The following IMMP2L variants were observed in gnomAD, a reference collection of about 807,000 sequenced individuals.
IMMP2L encodes inner mitochondrial membrane peptidase subunit 2.
IMMP2L carries 18 observed loss-of-function variants against 19.3 expected under a neutral mutation model. The ratio of observed to expected loss-of-function variants is 0.93; its 90% CI spans 0.64 to 1.38. IMMP2L has a LOEUF of 1.38. IMMP2L is among the 40% of genes most tolerant of loss of function. IMMP2L has a pLI of 0.00. For synonymous variants in IMMP2L, 76 were observed against 73.0 expected, an observed-to-expected ratio of 1.04 and a Z score of -0.21; for missense variants, 233 against 218.2, an observed-to-expected ratio of 1.07 and a Z score of -0.43.
chr7:111,483,185 C>T (rs1205204384), intron 3 of IMMP2L, among the ~76,000 whole-genome samples: 1 of 152,082 alleles, frequency 6.6e-6, no homozygotes, highest in East Asian at 1.9e-4. Flanking sequence ...ACTATTTTTG[C>T]AACTTTTCTT....
chr7:111,457,521 C>T (rs1449881269), intron 3 of IMMP2L, among the ~76,000 whole-genome samples: 2 of 152,156 alleles, frequency 1.3e-5, no homozygotes, highest in East Asian at 3.9e-4. Flanking sequence ...TCACAGCAGT[C>T]CTTCTAGGTA....
Position 110,799,729 on chromosome 7 carries a change from C to T in IMMP2L, c.408+86864G>A, listed in dbSNP as rs139827036. Among the ~76,000 whole-genome samples, 10 of 152,108 alleles carry T rather than the reference C, an allele frequency of 6.6e-5. 1 individual carries two copies. The Middle Eastern group carries it at 0.01, about 155-fold the overall frequency. On this transcript the variant is annotated intron_variant, in intron 5 of 5. Transcript: ENST00000405709. ...TTCTCAAATAAAGACGGAAAATGTT[C>T]AGTGGTAGCCTTTTCAGGCAAAGTC...
At chr7:110,817,467 A>G (rs1364869213) in intron 5 of IMMP2L, among the ~76,000 whole-genome samples, 4 of 152,166 alleles carry the variant, frequency 2.6e-5, no homozygotes, top group Non-Finnish European at 5.9e-5. Flanking sequence ...AAAAGAGGAT[A>G]CAAACACATG....
intron 3 of IMMP2L, among the ~76,000 whole-genome samples, chr7:111,011,381 G>C (rs1298972353): frequency 6.6e-6 from 1 of 152,052 alleles, no homozygotes; most frequent in Non-Finnish European, 1.5e-5. Flanking sequence ...AAACTGGACA[G>C]GTAGCTGTGT....
intron 3 of IMMP2L, among the ~76,000 whole-genome samples, chr7:111,066,461 GA>G (rs756991693): frequency 5.3e-5 from 8 of 152,182 alleles, no homozygotes; most frequent in Non-Finnish European, 1.0e-4. Context: ...AGATTTTTGT[GA>G]AGGAAATAGG....
rs151335931 is a variant in IMMP2L, at chr7:110,931,430, T to C, written c.305+32070A>G. The stretch of plus-strand genomic sequence containing the variant: ...TCTCCTCTCTACCTTATATTCCTCA[T>C]CTCCACAAACATTTTTTCACCATGT... On this transcript the variant is annotated intron_variant, in intron 4 of 5. Coordinates refer to ENST00000405709, the MANE Select transcript of IMMP2L (RefSeq NM_032549.4). Among the ~76,000 whole-genome samples the C allele has an allele frequency of 3.8e-3, 586 of 152,266 alleles. 3 individuals carry two copies. The highest frequency in any genetic ancestry group is 5.8e-3 in the Non-Finnish European group (396 of 68,030).
At chr7:111,484,085 T>C (rs367652875) in intron 3 of IMMP2L, among the ~76,000 whole-genome samples, 1 of 152,222 alleles carries the variant, frequency 6.6e-6, no homozygotes, top group Non-Finnish European at 1.5e-5. Flanking sequence ...GTAATGATAA[T>C]GTCTTTCTGC....
At chr7:111,063,403 C>A (rs878994961) in intron 3 of IMMP2L, among the ~76,000 whole-genome samples, 2 of 152,168 alleles carry the variant, frequency 1.3e-5, no homozygotes, top group Admixed American at 1.3e-4. Context: ...GCTGCTGGGC[C>A]TGTGATGGGA....
At chr7:111,228,671 C>G (rs1426137693) in intron 3 of IMMP2L, among the ~76,000 whole-genome samples, 1 of 151,998 alleles carries the variant, frequency 6.6e-6, no homozygotes, top group African/African-American at 2.4e-5. Context: ...GAAATTTCCT[C>G]TATTGGGCAA....
intron 5 of IMMP2L, among the ~76,000 whole-genome samples, chr7:110,791,484 G>T (rs1054585402): frequency 1.2e-4 from 18 of 149,394 alleles, no homozygotes; most frequent in Admixed American, 6.7e-5. Context: ...TAATTATTCT[G>T]ACATACATAT....
chr7:111,265,393 C>G (rs1439948077), intron 3 of IMMP2L, among the ~76,000 whole-genome samples: 3 of 152,156 alleles, frequency 2.0e-5, no homozygotes, highest in African/African-American at 4.8e-5. Flanking sequence ...TCAATGGAAT[C>G]TGATAAATAT....
In IMMP2L at chr7:111,440,326, C is replaced by A. The variant is rs137997550; in HGVS notation, c.239+46912G>T. Reference sequence around the variant, plus strand: ...TGGCAGCTATAGCCTAACAAATGTACTTCTTAAGTAATAAGACTAGAAAGC... The same window carrying A: ...TGGCAGCTATAGCCTAACAAATGTAATTCTTAAGTAATAAGACTAGAAAGC... On this transcript the variant is annotated intron_variant, in intron 3 of 5. Transcript: ENST00000405709. Among the ~76,000 whole-genome samples, 444 of 151,950 alleles carry A rather than the reference C, an allele frequency of 2.9e-3. 8 individuals carry two copies. Among genetic ancestry groups the A allele is most frequent in the African/African-American group, 0.01 (416 of 41,276 alleles).
chr7:110,949,206 C>T (rs979804849), intron 4 of IMMP2L, among the ~76,000 whole-genome samples: 1 of 152,140 alleles, frequency 6.6e-6, no homozygotes, highest in African/African-American at 2.4e-5. Context: ...TATATCTGTA[C>T]ATCATATATA....
intron 3 of IMMP2L, among the ~76,000 whole-genome samples, chr7:111,438,563 CA>C (rs988891260): frequency 6.6e-6 from 1 of 151,780 alleles, no homozygotes; most frequent in African/African-American, 2.4e-5. Context: ...TCAAGGTAAA[CA>C]ATCTACTTGA....
intron 4 of IMMP2L, among the ~76,000 whole-genome samples, chr7:110,944,061 G>T (rs1041455286): frequency 6.6e-6 from 1 of 151,968 alleles, no homozygotes; most frequent in Admixed American, 6.6e-5. Flanking sequence ...CAGGATTGAA[G>T]TTTTATAAAT....
chr7:111,186,373 A>G (rs1436272170), intron 3 of IMMP2L, among the ~76,000 whole-genome samples: 1 of 151,954 alleles, frequency 6.6e-6, no homozygotes, highest in Admixed American at 6.6e-5. Context: ...TCTGCCTAAT[A>G]TATGCCTATC....
At chr7:111,178,400 C>T (rs1271991173) in intron 3 of IMMP2L, among the ~76,000 whole-genome samples, 3 of 152,010 alleles carry the variant, frequency 2.0e-5, no homozygotes, top group Non-Finnish European at 4.4e-5. Flanking sequence ...GCTGACTAAT[C>T]ACGGTGATGG....
intron 5 of IMMP2L, among the ~76,000 whole-genome samples, chr7:110,764,934 T>C (rs970017325): frequency 4.6e-5 from 7 of 152,094 alleles, no homozygotes; most frequent in Non-Finnish European, 8.8e-5. Context: ...TTTCTTGTAT[T>C]GATCGAAGAT....
intron 4 of IMMP2L, among the ~76,000 whole-genome samples, chr7:110,907,329 C>A (rs533012965): frequency 6.6e-6 from 1 of 152,250 alleles, no homozygotes; most frequent in East Asian, 1.9e-4. Flanking sequence ...GGAAGGTAAT[C>A]TTTTCCTGAA....
Sources: gnomAD v4.1 joint callset for allele counts (sites outside exome capture counted in the v4.1 genomes callset) on GRCh38, gnomAD v4.1.1 for gene constraint, MANE v1.5 for transcripts, NCBI Gene and HGNC (gene_info 2026-07-23, HGNC 2026-07-21) for gene names.